Variants in CTSE observed in about 807,000 individuals in gnomAD.
The protein encoded by CTSE is erythrocyte membrane aspartic proteinase.
A neutral mutation model predicts 42.8 loss-of-function variants in CTSE; 43 were observed. The observed-to-expected ratio is 1.01, with a 90% CI of 0.79 to 1.30. CTSE has a LOEUF of 1.30. Ranked by LOEUF, CTSE falls within the 50% of genes most tolerant of loss-of-function variation. The probability of loss-of-function intolerance (pLI) is 0.00; values close to 1 mark genes in which losing one functional copy is unlikely to be tolerated. For synonymous variants in CTSE, 205 were observed against 191.5 expected (o/e 1.07, Z -0.58); for missense variants, 532 against 493.5 (o/e 1.08, Z -0.74).
chr1:206,022,243 T>C lies in CTSE; in HGVS notation c.250A>G (p.Ile84Val), dbSNP rs1553278554. 1 of 1,611,412 alleles carries C rather than the reference T, an allele frequency of 6.2e-7. No homozygotes were observed. The highest frequency in any genetic ancestry group is 1.1e-5 in the South Asian group (1 of 90,928). ...LDMEYFGTIS[I>V]GSPPQNFTVI... ...GTGAAGTTCTGTGGTGGGGAGCCAA[T>C]GGAGATAGTGCCGAAGTATTCCATC... Residue 84 changes from isoleucine (I) to valine (V), a missense_variant, in exon 3 of 9, where the codon ATT becomes GTT. By Grantham distance (29) the Ile-to-Val change is conservative. Transcript: ENST00000358184.
chr1:206,017,651 G>A (rs1251686875), intron 4 of CTSE, among the ~76,000 whole-genome samples: 2 of 152,020 alleles, frequency 1.3e-5, no homozygotes, highest in East Asian at 1.9e-4. Flanking sequence ...CACCACGCCT[G>A]GCTAATTTTT....
chr1:206,022,905 A>G lies in CTSE; in HGVS notation c.221T>C (p.Leu74Ser), dbSNP rs376437283. 1 of 1,573,500 alleles carries G rather than the reference A, an allele frequency of 6.4e-7. No homozygotes were observed. Among genetic ancestry groups the G allele is most frequent in the African/African-American group, 1.3e-5 (1 of 74,184 alleles). The change falls in exon 2 of 9, where the codon TTG becomes TCG. Residue 74 changes from leucine (L) to serine (S), a missense_variant. Physicochemically the swap from Leu to Ser is moderately radical, Grantham distance 145. Coordinates refer to ENST00000358184, the MANE Select transcript of CTSE (RefSeq NM_001910.4). The part of the protein sequence containing the change: ...QSAKEPLINY[L>S]DMEYFGTISI... Reference sequence around the variant, plus strand: ...CCTGACCCCAGGAGGCCTCACATCCAAGTAGTTGATGAGGGGTTCCTTGGC... The same window carrying G: ...CCTGACCCCAGGAGGCCTCACATCCGAGTAGTTGATGAGGGGTTCCTTGGC...
intron 6 of CTSE, 150 bp from the exon 7 acceptor site, chr1:206,012,799 T>C (rs1661149361): frequency 4.4e-6 from 4 of 904,822 alleles, no homozygotes; most frequent in South Asian, 1.6e-5. Flanking sequence ...CTGAGATCCA[T>C]AGGAAGAAAT....
At chr1:206,016,403 T>C (rs981928954) in intron 4 of CTSE, among the ~76,000 whole-genome samples, 6 of 152,126 alleles carry the variant, frequency 3.9e-5, no homozygotes, top group Non-Finnish European at 5.9e-5. Context: ...GCCTATTTTT[T>C]GGATTTTATA....
intron 4 of CTSE, among the ~76,000 whole-genome samples, chr1:206,019,967 CTATAA>C (rs1243232780): frequency 7.1e-6 from 1 of 141,482 alleles, no homozygotes. Context: ...CAATTATATT[CTATAA>C]TATATTATAT....
intron 4 of CTSE, among the ~76,000 whole-genome samples, chr1:206,018,569 T>G (rs1389134415): frequency 1.3e-5 from 2 of 151,998 alleles, no homozygotes; most frequent in Non-Finnish European, 2.9e-5. Context: ...GTGGAAAGAT[T>G]TTTTAATAAC....
At chr1:206,016,772 G>C (rs1226490435) in intron 4 of CTSE, among the ~76,000 whole-genome samples, 2 of 152,058 alleles carry the variant, frequency 1.3e-5, no homozygotes, top group East Asian at 3.9e-4. Flanking sequence ...TTTCTGTTCT[G>C]TTACATTTGT....
At position 206,009,662 on chromosome 1, in the gene CTSE, A is replaced by G. The variant is rs1221179090; in HGVS notation, c.*521T>C. The G allele has an allele frequency of 1.3e-5, 2 of 155,016 alleles. No homozygotes were observed. Among genetic ancestry groups the G allele is most frequent in the Non-Finnish European group, 2.9e-5 (2 of 69,918 alleles). 9.6% of individuals were successfully genotyped at this position (155,016 alleles called of 1,614,324 possible). On this transcript the variant is annotated 3_prime_UTR_variant, in exon 9 of 9. Coordinates refer to ENST00000358184, the MANE Select transcript of CTSE (RefSeq NM_001910.4). ...GACAATGGGAGATGCTTGAATTCCG[A>G]TTGTATATTTAAGGATGTTAGAAAT...
At chr1:206,015,150 T>A (rs1661228000) in intron 5 of CTSE, among the ~76,000 whole-genome samples, 1 of 152,124 alleles carries the variant, frequency 6.6e-6, no homozygotes, top group African/African-American at 2.4e-5. Flanking sequence ...ATATGTCACA[T>A]AAAATGTACT....
At chr1:206,017,693 G>T (rs1661300011) in intron 4 of CTSE, among the ~76,000 whole-genome samples, 1 of 151,822 alleles carries the variant, frequency 6.6e-6, no homozygotes, top group Non-Finnish European at 1.5e-5. Flanking sequence ...TGGTCAGGCT[G>T]GTCTCAAACT....
chr1:206,018,275 A>C (rs369562198), intron 4 of CTSE, among the ~76,000 whole-genome samples: 1 of 152,088 alleles, frequency 6.6e-6, no homozygotes, highest in Non-Finnish European at 1.5e-5. Flanking sequence ...TGGAAAGATG[A>C]CCCTTGGTAT....
chr1:206,012,672 G>C (rs782665809), intron 6 of CTSE, 23 bp from the exon 7 acceptor site: 4 of 1,607,332 alleles, frequency 2.5e-6, no homozygotes, highest in Non-Finnish European at 3.4e-6. Context: ...GGTTGTGGTC[G>C]GCCCACCTTC....
Position 206,012,299 on chromosome 1 carries a change from A to G in CTSE, c.1026+9T>C, listed in dbSNP as rs781977973. The G allele has an allele frequency of 6.2e-7, 1 of 1,608,970 alleles. No homozygotes were observed. Among genetic ancestry groups the G allele is most frequent in the Non-Finnish European group, 8.5e-7 (1 of 1,175,660 alleles). ...CCTGTGGCCTGCAGAATAAGGAAAC[A>G]GTTCTTACCAGTAGGGTGTAGGCAG... On this transcript the variant is annotated intron_variant, in intron 8 of 8. Transcript: ENST00000358184.
At chr1:206,020,375 T>C (rs1661383291) in intron 4 of CTSE, among the ~76,000 whole-genome samples, 1 of 152,002 alleles carries the variant, frequency 6.6e-6, no homozygotes, top group South Asian at 2.1e-4. Flanking sequence ...CCTGCTGGCC[T>C]CGGGAATACC....
At chr1:206,017,684 G>C (rs895111031) in intron 4 of CTSE, among the ~76,000 whole-genome samples, 1 of 151,744 alleles carries the variant, frequency 6.6e-6, no homozygotes, top group African/African-American at 2.4e-5. Flanking sequence ...GAGAAATGTT[G>C]GTCAGGCTGG....
intron 8 of CTSE, among the ~76,000 whole-genome samples, chr1:206,010,601 A>G (rs1213968945): frequency 6.6e-6 from 1 of 152,028 alleles, no homozygotes; most frequent in Admixed American, 6.6e-5. Flanking sequence ...AGAACTGTTC[A>G]TCTGTTATAT....
At position 206,010,015 on chromosome 1, in the gene CTSE, A is replaced by ATGTG. The variant is rs373750948; in HGVS notation, c.*164_*167dup. 4 of 634,032 alleles carry ATGTG rather than the reference A, an allele frequency of 6.3e-6. No individual in the cohort carries two copies. The highest frequency in any genetic ancestry group is 3.8e-5 in the South Asian group (2 of 52,232). 39.3% of individuals were successfully genotyped at this position (634,032 alleles called of 1,614,324 possible). ...ATGTGTGAAGTGTGTGTGTGTGTAT[A>ATGTG]TGTGTGTGTGTGTGTGTATTCTCAT... is the stretch of plus-strand genomic sequence containing the variant. On this transcript the variant is annotated 3_prime_UTR_variant, in exon 9 of 9. Coordinates refer to ENST00000358184, the MANE Select transcript of CTSE (RefSeq NM_001910.4).
rs144147533 is a variant in CTSE, at chr1:206,010,199, G to C, written c.1175C>G (p.Ala392Gly). ...FDRGNNRVGL[A>G]PAVP ...GGCCCCTCCTTAGGGGACTGCTGGG[G>C]CCAGTCCCACACGGTTATTCCCACG... Residue 392 changes from alanine (A) to glycine (G), a missense_variant, in exon 9 of 9, where the codon GCC becomes GGC. Ala to Gly is a moderately conservative substitution (Grantham distance 60). Transcript: ENST00000358184. 1.2e-6 allele frequency: 2 copies of C among 1,613,556 alleles called. No individual in the cohort carries two copies. Among genetic ancestry groups the C allele is most frequent in the Non-Finnish European group, 1.7e-6 (2 of 1,179,772 alleles).
chr1:206,012,988 C>G (rs979154945), intron 6 of CTSE, among the ~76,000 whole-genome samples: 4 of 152,058 alleles, frequency 2.6e-5, no homozygotes, highest in Admixed American at 2.0e-4. Context: ...GCCACCACAC[C>G]TGGTCAGGTC....
Sources: gnomAD v4.1 joint callset for allele counts (sites outside exome capture counted in the v4.1 genomes callset) on GRCh38, gnomAD v4.1.1 for gene constraint, MANE v1.5 for transcripts, NCBI Gene and HGNC (gene_info 2026-07-23, HGNC 2026-07-21) for gene names.